MAPK10: variants seen among roughly 807,000 people sequenced by gnomAD.
MAPK10 encodes mitogen-activated protein kinase 10.
Under a neutral mutation model 59.3 loss-of-function variants are expected in MAPK10, and 25 were observed. That is an observed-to-expected ratio of 0.42 (90% CI 0.31 to 0.59). MAPK10 has a LOEUF of 0.59. Ranked by LOEUF, MAPK10 falls within the 20% of genes least tolerant of loss-of-function variation. The probability of loss-of-function intolerance (pLI) is 0.15; values close to 1 mark genes in which losing one functional copy is unlikely to be tolerated. For missense variants in MAPK10, 351 were observed against 568.9 expected (o/e 0.62, Z 3.90); for synonymous variants, 190 against 200.5 (o/e 0.95, Z 0.44).
intron 1 of MAPK10, among the ~76,000 whole-genome samples, chr4:86,417,085 C>T (rs1745949607): frequency 6.6e-6 from 1 of 152,278 alleles, no homozygotes; most frequent in Admixed American, 6.5e-5. Flanking sequence ...AAAATTTAAA[C>T]AATGGTTACC....
rs186157189 is a variant in MAPK10 at position 86,292,673 on chromosome 4, G to A, written c.-7+61857C>T. ...GTTTGAAGTTGCAGTAGCTATGATC[G>A]CACCACTGCCCTCCAGCCTGAAAAA... On this transcript the variant is annotated intron_variant, in intron 2 of 13. Transcript: ENST00000641462. 1.6e-3 allele frequency among the ~76,000 whole-genome samples: 244 copies of A among 152,230 alleles called. 1 individual carries two copies. The highest frequency in any genetic ancestry group is 2.7e-3 in the Non-Finnish European group (183 of 68,018).
chr4:86,537,810 TG>T (rs1320608128), intron 1 of MAPK10, among the ~76,000 whole-genome samples: 3 of 152,202 alleles, frequency 2.0e-5, no homozygotes, highest in Admixed American at 1.3e-4. Context: ...TTTTGATAAA[TG>T]GCCATTATTA....
chr4:86,095,585 TTAGAC>T (rs533953026), intron 9 of MAPK10: 130 of 151,978 alleles, frequency 8.6e-4, no homozygotes, highest in African/African-American at 2.6e-3. Context: ...CCAATAAATG[TTAGAC>T]TAATTTCAAT....
intron 1 of MAPK10, among the ~76,000 whole-genome samples, chr4:86,450,643 CATAGTTATAACT>C (rs1750594894): frequency 6.6e-6 from 1 of 152,128 alleles, no homozygotes; most frequent in Non-Finnish European, 1.5e-5. Context: ...GTAACCTACC[CATAGTTATAACT>C]ATAACAACAT....
intron 11 of MAPK10, among the ~76,000 whole-genome samples, chr4:86,057,931 C>T (rs925930858): frequency 6.7e-6 from 1 of 149,672 alleles, no homozygotes; most frequent in Non-Finnish European, 1.5e-5. Flanking sequence ...TCCTTTCACT[C>T]CCCTTACGTA....
At chr4:86,410,679 T>G (rs1249644635) in intron 1 of MAPK10, among the ~76,000 whole-genome samples, 1 of 152,172 alleles carries the variant, frequency 6.6e-6, no homozygotes, top group Non-Finnish European at 1.5e-5. Flanking sequence ...GATTTTCTAG[T>G]TTATTTGTGT....
chr4:86,260,094 T>C (rs549464222), intron 2 of MAPK10, among the ~76,000 whole-genome samples: 1 of 152,162 alleles, frequency 6.6e-6, no homozygotes, highest in Admixed American at 6.5e-5. Context: ...ATTCTCACAA[T>C]AACCCTATAC....
At chr4:86,351,920 A>T (rs1418296563) in intron 2 of MAPK10, among the ~76,000 whole-genome samples, 1 of 152,212 alleles carries the variant, frequency 6.6e-6, no homozygotes, top group Non-Finnish European at 1.5e-5. Context: ...AAAAGACGAA[A>T]ATCAAATTAC....
chr4:86,038,352 T>A (rs1379728676), intron 11 of MAPK10, among the ~76,000 whole-genome samples: 2 of 152,248 alleles, frequency 1.3e-5, no homozygotes, highest in Non-Finnish European at 2.9e-5. Context: ...TAAATGATAT[T>A]ATATCTTACT....
At chr4:86,160,841 C>A (rs1038163821) in intron 3 of MAPK10, among the ~76,000 whole-genome samples, 1 of 151,986 alleles carries the variant, frequency 6.6e-6, no homozygotes, top group Non-Finnish European at 1.5e-5. Flanking sequence ...GGCTCTGAAC[C>A]TCTGGATTGA....
intron 2 of MAPK10, among the ~76,000 whole-genome samples, chr4:86,247,247 G>A (rs559488313): frequency 1.3e-5 from 2 of 152,290 alleles, no homozygotes; most frequent in Admixed American, 6.5e-5. Flanking sequence ...GTTTAAGCCA[G>A]CTTGAATCAG....
intron 2 of MAPK10, among the ~76,000 whole-genome samples, chr4:86,284,362 C>T (rs551544616): frequency 2.7e-4 from 41 of 152,306 alleles, no homozygotes; most frequent in African/African-American, 8.9e-4. Context: ...TGCGCATGCT[C>T]GGTCCATTCC....
At chr4:86,454,435 G>A (rs755638556), upstream of MAPK10, among the ~76,000 whole-genome samples, 6 of 151,950 alleles carry the variant, frequency 3.9e-5, no homozygotes, top group East Asian at 1.9e-4. Context: ...TCAAAACTTC[G>A]GGAAACAATG....
chr4:86,400,485 A>G (rs1743561965), intron 1 of MAPK10, among the ~76,000 whole-genome samples: 1 of 151,392 alleles, frequency 6.6e-6, no homozygotes, highest in Non-Finnish European at 1.5e-5. Flanking sequence ...GGGAGTTTTA[A>G]TTTATTTGGA....
intron 4 of MAPK10, among the ~76,000 whole-genome samples, chr4:86,135,018 G>A (rs552432187): frequency 2.6e-5 from 4 of 152,198 alleles, no homozygotes; most frequent in Non-Finnish European, 5.9e-5. Flanking sequence ...TATCCCGCAC[G>A]TGGCTCGGAG....
At chr4:86,463,723 G>C (rs1751952063) in intron 1 of MAPK10, among the ~76,000 whole-genome samples, 1 of 152,160 alleles carries the variant, frequency 6.6e-6, no homozygotes, top group South Asian at 2.1e-4. Flanking sequence ...GATATGACCT[G>C]CTCTAGGCAT....
intron 1 of MAPK10, among the ~76,000 whole-genome samples, chr4:86,554,206 T>C (rs1760083537): frequency 6.6e-6 from 1 of 152,206 alleles, no homozygotes; most frequent in South Asian, 2.1e-4. Context: ...CACTCTTAAA[T>C]GCTGATTCTT....
intron 11 of MAPK10, among the ~76,000 whole-genome samples, chr4:86,052,080 A>G (rs1667389240): frequency 6.6e-6 from 1 of 152,156 alleles, no homozygotes; most frequent in Non-Finnish European, 1.5e-5. Context: ...AACTGTTTTT[A>G]TAATGTTAAT....
At chr4:86,424,364 A>G (rs1746986846) in intron 1 of MAPK10, among the ~76,000 whole-genome samples, 1 of 151,936 alleles carries the variant, frequency 6.6e-6, no homozygotes, top group East Asian at 1.9e-4. Flanking sequence ...TAATTTTTGT[A>G]TTTTTAGTAG....
Sources: allele counts gnomAD v4.1 joint callset (sites outside exome capture counted in the v4.1 genomes callset), GRCh38; gene constraint gnomAD v4.1.1; transcripts MANE v1.5; gene names NCBI Gene and HGNC (gene_info 2026-07-23, HGNC 2026-07-21).